The following NALCN variants were observed in gnomAD, a reference collection of about 807,000 sequenced individuals.
The protein encoded by NALCN is sodium leak channel NALCN.
A neutral mutation model predicts 225.3 loss-of-function variants in NALCN; 111 were observed. That is an observed-to-expected ratio of 0.49 (90% confidence interval 0.42 to 0.58). The LOEUF (loss-of-function observed/expected upper bound fraction) is 0.58. Among genes scored for constraint, NALCN ranks in the 20% least tolerant of loss-of-function variants. The pLI is 0.00. For synonymous variants in NALCN, 764 were observed against 769.0 expected (o/e 0.99, Z 0.11); for missense variants, 1,378 against 2,202.4 (o/e 0.63, Z 7.49).
chr13:101,302,664 T>G (rs943417398), intron 7 of NALCN, among the ~76,000 whole-genome samples: 1 of 152,210 alleles, frequency 6.6e-6, no homozygotes, highest in African/African-American at 2.4e-5. Context: ...TAATATCATT[T>G]GTAATAATAT....
intron 9 of NALCN, 112 bp downstream of exon 9, chr13:101,291,878 A>G: frequency 9.5e-7 from 1 of 1,048,238 alleles, no homozygotes; most frequent in Non-Finnish European, 1.4e-6. Context: ...CAGCTTCCTG[A>G]GTCAGACTAT....
intron 3 of NALCN, among the ~76,000 whole-genome samples, chr13:101,390,391 C>A (rs936459540): frequency 1.3e-5 from 2 of 151,564 alleles, no homozygotes; most frequent in African/African-American, 4.8e-5. Flanking sequence ...AGGAGTGAAG[C>A]AAGGGAAAGA....
intron 7 of NALCN, among the ~76,000 whole-genome samples, chr13:101,332,136 C>T (rs147217882): frequency 2.6e-5 from 4 of 152,014 alleles, no homozygotes; most frequent in African/African-American, 7.2e-5. Context: ...ATGATAAAAA[C>T]AAATATTAAT....
intron 7 of NALCN, among the ~76,000 whole-genome samples, chr13:101,327,400 T>C (rs548912113): frequency 1.1e-4 from 17 of 152,172 alleles, no homozygotes; most frequent in Non-Finnish European, 2.4e-4. Flanking sequence ...GGATGATATT[T>C]AGTATTTTGA....
intron 7 of NALCN, among the ~76,000 whole-genome samples, chr13:101,319,410 G>C (rs2139184687): frequency 6.6e-6 from 1 of 152,280 alleles, no homozygotes; most frequent in Non-Finnish European, 1.5e-5. Context: ...ACCCAGGCTG[G>C]AGTGACACTT....
At chr13:101,332,126 A>G (rs1247263736) in intron 7 of NALCN, among the ~76,000 whole-genome samples, 2 of 152,208 alleles carry the variant, frequency 1.3e-5, no homozygotes, top group East Asian at 3.9e-4. Context: ...AATAAAAAAT[A>G]TGATAAAAAC....
intron 1 of NALCN, among the ~76,000 whole-genome samples, chr13:101,403,751 G>A (rs1041210328): frequency 6.6e-6 from 1 of 152,172 alleles, no homozygotes; most frequent in Admixed American, 6.5e-5. Context: ...GAGTGCAAGT[G>A]AAATTGTTTA....
intron 6 of NALCN, among the ~76,000 whole-genome samples, chr13:101,359,691 T>C (rs773864312): frequency 4.6e-5 from 7 of 152,230 alleles, no homozygotes; most frequent in Non-Finnish European, 1.0e-4. Flanking sequence ...TTTGCATATA[T>C]CTGTCTTTGG....
intron 3 of NALCN, among the ~76,000 whole-genome samples, chr13:101,387,528 C>A (rs376471493): frequency 6.6e-6 from 1 of 152,004 alleles, no homozygotes; most frequent in Non-Finnish European, 1.5e-5. Context: ...TGAAAAAATA[C>A]AAGCTTAAAT....
chr13:101,396,339 A>T (rs1207072505), intron 2 of NALCN, among the ~76,000 whole-genome samples: 1 of 152,174 alleles, frequency 6.6e-6, no homozygotes, highest in Non-Finnish European at 1.5e-5. Flanking sequence ...TTAGTATACA[A>T]TTCTTAAACA....
intron 7 of NALCN, among the ~76,000 whole-genome samples, chr13:101,320,707 C>G (rs1055035829): frequency 8.4e-6 from 1 of 119,254 alleles, no homozygotes; most frequent in African/African-American, 3.2e-5. Context: ...TTGTTAGTGA[C>G]TGCAGTCAGC....
chr13:101,220,000 C>T (rs2040875765), intron 13 of NALCN, among the ~76,000 whole-genome samples: 1 of 152,150 alleles, frequency 6.6e-6, no homozygotes, highest in Non-Finnish European at 1.5e-5. Flanking sequence ...TAAGACTACA[C>T]ACCTGGTAAA....
intron 7 of NALCN, among the ~76,000 whole-genome samples, chr13:101,336,505 T>C (rs1027456344): frequency 6.6e-6 from 1 of 152,184 alleles, no homozygotes; most frequent in African/African-American, 2.4e-5. Context: ...AATTAATTTA[T>C]TGTTGCCAAA....
chr13:101,065,362 G>C, intron 40 of NALCN, 42 bp downstream of exon 40: 1 of 1,607,298 alleles, frequency 6.2e-7, no homozygotes, highest in Non-Finnish European at 8.5e-7. Flanking sequence ...GACAGCTGTG[G>C]TTTCTGGCCC....
rs550172753 is a variant in NALCN, at chr13:101,134,184, A to C, written c.2118+8896T>G. ...GACTCTGTCTCAAAAAAACAAACAA[A>C]CAAAAAAAAAGATTTCCTATTGTAA... On this transcript the variant is annotated intron_variant, in intron 17 of 43. Coordinates refer to ENST00000251127, the MANE Select transcript of NALCN (RefSeq NM_052867.4). Among the ~76,000 whole-genome samples, 30 of 151,590 alleles carry C rather than the reference A, an allele frequency of 2.0e-4. No homozygotes were observed. The South Asian group carries it at 3.6e-3, about 18-fold the overall frequency.
intron 28 of NALCN, among the ~76,000 whole-genome samples, chr13:101,094,371 A>G (rs2034393005): frequency 6.6e-6 from 1 of 151,996 alleles, no homozygotes; most frequent in African/African-American, 2.4e-5. Context: ...GGCACCCTCT[A>G]CCTTTCTCTA....
intron 13 of NALCN, among the ~76,000 whole-genome samples, chr13:101,209,880 G>A (rs1021246132): frequency 1.3e-5 from 2 of 152,104 alleles, no homozygotes; most frequent in Non-Finnish European, 2.9e-5. Flanking sequence ...ATTCTTTATT[G>A]CCAACTTTGC....
intron 7 of NALCN, among the ~76,000 whole-genome samples, chr13:101,337,062 C>A (rs1008658951): frequency 2.6e-5 from 4 of 152,018 alleles, no homozygotes; most frequent in Non-Finnish European, 4.4e-5. Flanking sequence ...TAATCCTTGC[C>A]CAGATGTTTA....
At chr13:101,233,454 C>T (rs2041430390) in intron 12 of NALCN, among the ~76,000 whole-genome samples, 1 of 151,802 alleles carries the variant, frequency 6.6e-6, no homozygotes, top group Non-Finnish European at 1.5e-5. Context: ...CATTCTCCTG[C>T]CTCAGCCTCC....
Sources: allele counts gnomAD v4.1 joint callset (sites outside exome capture counted in the v4.1 genomes callset), GRCh38; gene constraint gnomAD v4.1.1; transcripts MANE v1.5; gene names NCBI Gene and HGNC (gene_info 2026-07-23, HGNC 2026-07-21).